Variants in ENTPD1 observed in about 807,000 individuals in gnomAD.
The protein encoded by ENTPD1 is ectonucleoside triphosphate diphosphohydrolase 1, also known as ATP diphosphohydrolase.
Under a neutral mutation model 57.0 loss-of-function variants are expected in ENTPD1, and 33 were observed. The observed-to-expected ratio is 0.58, with a 90% CI of 0.44 to 0.77. The LOEUF (loss-of-function observed/expected upper bound fraction) is 0.77. Ranked by LOEUF, ENTPD1 falls within the 30% of genes least tolerant of loss-of-function variation. ENTPD1 has a pLI of 0.00. For synonymous variants in ENTPD1, 202 were observed against 218.8 expected, an observed-to-expected ratio of 0.92 and a Z score of 0.68; for missense variants, 501 against 603.4, an observed-to-expected ratio of 0.83 and a Z score of 1.78.
chr10:95,750,247 A>C (rs944561351), intron 1 of ENTPD1, among the ~76,000 whole-genome samples: 1 of 152,170 alleles, frequency 6.6e-6, no homozygotes, highest in African/African-American at 2.4e-5. Flanking sequence ...GCAAAACTTC[A>C]CGGGGGATGA....
chr10:95,866,253 T>C lies in ENTPD1; in HGVS notation c.1403T>C (p.Leu468Ser). 5.0e-6 allele frequency: 8 copies of C among 1,614,168 alleles called. No individual in the cohort carries two copies. The highest frequency in any genetic ancestry group is 6.8e-6 in the Non-Finnish European group (8 of 1,180,034). ...LTNMIPAEQP[L>S]STPLSHSTYV... ...AACATGATCCCAGCTGAGCAACCAT[T>C]GTCCACACCTCTCTCCCACTCCACC... Residue 468 changes from leucine (L) to serine (S), a missense_variant, in exon 10 of 10, where the codon TTG (leucine) becomes TCG (serine). Leu to Ser is a moderately radical substitution (Grantham distance 145). Coordinates refer to ENST00000371205, the MANE Select transcript of ENTPD1 (RefSeq NM_001776.6).
intron 1 of ENTPD1, chr10:95,756,456 A>T: frequency 1.6e-6 from 1 of 634,016 alleles, no homozygotes; most frequent in Non-Finnish European, 2.8e-6. Context: ...GTTGCAGTCA[A>T]GGGTGGCTCT....
At chr10:95,836,423 T>G (rs1016971998) in intron 2 of ENTPD1, among the ~76,000 whole-genome samples, 1 of 152,198 alleles carries the variant, frequency 6.6e-6, no homozygotes, top group Non-Finnish European at 1.5e-5. Context: ...AAGTGATATC[T>G]AATTAGTAGA....
chr10:95,783,091 A>G (rs1297891499), intron 1 of ENTPD1, among the ~76,000 whole-genome samples: 1 of 152,052 alleles, frequency 6.6e-6, no homozygotes, highest in Non-Finnish European at 1.5e-5. Flanking sequence ...TTCTTTGAGG[A>G]TCAAAAAAGA....
intron 1 of ENTPD1, among the ~76,000 whole-genome samples, chr10:95,777,162 T>C (rs2098137261): frequency 6.6e-6 from 1 of 152,176 alleles, no homozygotes; most frequent in Non-Finnish European, 1.5e-5. Context: ...CCATCCAGCT[T>C]TGTTTCTTTG....
At chr10:95,695,420 T>TA in the ENTPD1 span, among the ~76,000 whole-genome samples, 1 of 152,244 alleles carries the variant, frequency 6.6e-6, no homozygotes, top group Non-Finnish European at 1.5e-5. Context: ...CTAGTACACT[T>TA]ACCTAAAATC....
intron 1 of ENTPD1, chr10:95,712,058 G>A (rs923849237): frequency 1.9e-5 from 30 of 1,607,616 alleles, no homozygotes; most frequent in African/African-American, 2.7e-5. Flanking sequence ...TAGAGCCGAT[G>A]GTAAAAATCA....
chr10:95,815,520 G>A (rs1470333478), intron 1 of ENTPD1, among the ~76,000 whole-genome samples: 2 of 152,186 alleles, frequency 1.3e-5, no homozygotes, highest in Non-Finnish European at 2.9e-5. Flanking sequence ...TCTGGATAAT[G>A]AGATTGGCTA....
At chr10:95,783,230 C>T (rs1250168154) in intron 1 of ENTPD1, among the ~76,000 whole-genome samples, 3 of 152,180 alleles carry the variant, frequency 2.0e-5, no homozygotes, top group African/African-American at 7.2e-5. Flanking sequence ...CCCTAATTCA[C>T]AGTGATTTGT....
At chr10:95,708,183 A>G (rs2097963267), upstream of ENTPD1, among the ~76,000 whole-genome samples, 1 of 140,220 alleles carries the variant, frequency 7.1e-6, no homozygotes, top group Non-Finnish European at 1.6e-5. Flanking sequence ...CAGGGATTTA[A>G]CTTCTTTTTT....
chr10:95,835,610 T>G (rs528520070), intron 2 of ENTPD1, among the ~76,000 whole-genome samples: 1 of 152,238 alleles, frequency 6.6e-6, no homozygotes, highest in Admixed American at 6.5e-5. Context: ...TGTTATTTTC[T>G]GACTTCTTAA....
At chr10:95,856,019 T>C (rs1047419505) in intron 7 of ENTPD1, among the ~76,000 whole-genome samples, 1 of 152,216 alleles carries the variant, frequency 6.6e-6, no homozygotes, top group Non-Finnish European at 1.5e-5. Flanking sequence ...CTGGATAATA[T>C]CCCGCAGAGT....
chr10:95,745,405 C>T (rs1220967367), intron 1 of ENTPD1, among the ~76,000 whole-genome samples: 5 of 152,234 alleles, frequency 3.3e-5, no homozygotes, highest in Admixed American at 3.3e-4. Flanking sequence ...AGGCTGGTCT[C>T]CTGGCCTCAA....
At chr10:95,773,899 G>A (rs1471443984) in intron 1 of ENTPD1, among the ~76,000 whole-genome samples, 1 of 152,190 alleles carries the variant, frequency 6.6e-6, no homozygotes, top group African/African-American at 2.4e-5. Context: ...GGTCCTTGAG[G>A]AGTTGCCACA....
At chr10:95,733,254 C>G (rs1041014356) in intron 1 of ENTPD1, among the ~76,000 whole-genome samples, 8 of 152,228 alleles carry the variant, frequency 5.3e-5, no homozygotes, top group African/African-American at 1.7e-4. Context: ...AAATATGGCT[C>G]TGTTCCACCT....
intron 1 of ENTPD1, among the ~76,000 whole-genome samples, chr10:95,748,115 C>T (rs779706808): frequency 1.4e-4 from 21 of 152,228 alleles, no homozygotes; most frequent in African/African-American, 2.6e-4. Flanking sequence ...CCTCGTGATC[C>T]GCCCACCTCG....
chr10:95,761,892 A>G (rs2098065096), intron 1 of ENTPD1, among the ~76,000 whole-genome samples: 1 of 152,238 alleles, frequency 6.6e-6, no homozygotes, highest in Non-Finnish European at 1.5e-5. Flanking sequence ...TGAGACTGGC[A>G]ACAGTGTGCC....
At chr10:95,769,273 G>A (rs1247297255) in intron 1 of ENTPD1, among the ~76,000 whole-genome samples, 1 of 152,240 alleles carries the variant, frequency 6.6e-6, no homozygotes, top group Non-Finnish European at 1.5e-5. Flanking sequence ...GTGAGCTCCT[G>A]TTCCACTGCT....
chr10:95,762,209 C>CAAAAAAA (rs59588135), intron 1 of ENTPD1, among the ~76,000 whole-genome samples: 2 of 78,504 alleles, frequency 2.5e-5, no homozygotes, highest in African/African-American at 4.0e-5. Context: ...TAAAAAGAAG[C>CAAAAAAA]AAAAAAAAAA....
Sources: gnomAD v4.1 joint callset for allele counts (sites outside exome capture counted in the v4.1 genomes callset) on GRCh38, gnomAD v4.1.1 for gene constraint, MANE v1.5 for transcripts, NCBI Gene and HGNC (gene_info 2026-07-23, HGNC 2026-07-21) for gene names.